Variants in MYO18A observed in about 807,000 individuals in gnomAD.
MYO18A encodes the protein myosin XVIIIA.
Under a neutral mutation model 235.8 loss-of-function variants are expected in MYO18A, and 78 were observed. The ratio of observed to expected loss-of-function variants is 0.33; its 90% confidence interval spans 0.28 to 0.40. The LOEUF (loss-of-function observed/expected upper bound fraction) is 0.40, where lower values mean the gene tolerates loss of function less well. Ranked by LOEUF, MYO18A falls within the 10% of genes least tolerant of loss-of-function variation. The pLI is 1.00. For synonymous variants in MYO18A, 977 were observed against 1,077.8 expected (o/e 0.91, Z 1.83); for missense variants, 2,215 against 2,699.3 (o/e 0.82, Z 3.98).
Position 29,158,664 on chromosome 17 carries a change from C to A in MYO18A, c.999+7278G>T, listed in dbSNP as rs1259409551. 6.6e-6 allele frequency among the ~76,000 whole-genome samples: 1 copy of A among 152,194 alleles called. No individual in the cohort carries two copies. Among genetic ancestry groups the A allele is most frequent in the Non-Finnish European group, 1.5e-5 (1 of 68,020 alleles). ...CAGCTGGGTCACCAGTCCCCACCGT[C>A]CCCCCAAGACTGCAGTGAGTAGAAT... On this transcript the variant is annotated intron_variant, in intron 2 of 41. Coordinates refer to ENST00000527372, the MANE Select transcript of MYO18A (RefSeq NM_078471.4). The surrounding 1 kb of genome is among the most constrained non-coding windows in gnomAD (Gnocchi z 4.3).
rs1232102609 is a variant in MYO18A, at chr17:29,128,523, C to T, written c.1000-6270G>A. On this transcript the variant is annotated intron_variant, in intron 2 of 41. Coordinates refer to ENST00000527372, the MANE Select transcript of MYO18A (RefSeq NM_078471.4). ...TGAGGACTCCTAGATGGGCCACTGC[C>T]TTCCTTTGAGCTGCCCTCTAGCTAC... 5.5e-6 allele frequency: 7 copies of T among 1,271,210 alleles called. No homozygotes were observed. In the South Asian group the frequency reaches 6.4e-5, roughly 12 times the overall value. 78.7% of individuals were successfully genotyped at this position (1,271,210 alleles called of 1,614,324 possible).
intron 11 of MYO18A, among the ~76,000 whole-genome samples, chr17:29,116,113 A>G (rs2067052963): frequency 6.6e-6 from 1 of 152,200 alleles, no homozygotes; most frequent in African/African-American, 2.4e-5. Context: ...CCCTTTTCAG[A>G]TGGCTCAGCT....
In MYO18A at chr17:29,074,338, C is replaced by T. The variant is rs936080626; in HGVS notation, c.*432G>A. 3.4e-4 allele frequency: 271 copies of T among 791,316 alleles called. 2 individuals carry two copies. The highest frequency in any genetic ancestry group is 5.2e-5 in the Non-Finnish European group (26 of 501,110). The allele number at this position is 791,316 out of a possible 1,614,324, so 49.0% of individuals were successfully genotyped here. ...CACCAAGAAGAGAGAGCCCCCACCC[C>T]ACACGAGAGGGAAGGCACTGCTTCT... On this transcript the variant is annotated 3_prime_UTR_variant, in exon 42 of 42. Transcript: ENST00000527372. The surrounding 1 kb of genome is among the most constrained non-coding windows in gnomAD (Gnocchi z 4.4).
rs1314777091 is a variant in MYO18A at position 29,106,040 on chromosome 17, T to C, written c.3441+1040A>G. 6.6e-6 allele frequency among the ~76,000 whole-genome samples: 1 copy of C among 151,922 alleles called. No homozygotes were observed. The highest frequency in any genetic ancestry group is 1.5e-5 in the Non-Finnish European group (1 of 67,968). On this transcript the variant is annotated intron_variant, in intron 20 of 41. Transcript: ENST00000527372. The surrounding 1 kb of genome is among the most constrained non-coding windows in gnomAD (Gnocchi z 4.6). The stretch of plus-strand genomic sequence containing the variant: ...CAATTCACAGAGAAATGGAGTGTGA[T>C]CCAGAAAGAGAGGTTCTGATGGAGC...
At position 29,106,710 on chromosome 17, in the gene MYO18A, C is replaced by T. The variant is rs1223780479; in HGVS notation, c.3441+370G>A. ...CCACCTTCCTTCTAGGAGGAATGTT[C>T]GCCCAGCCCTGGACAGCTTCCTGCT... On this transcript the variant is annotated intron_variant, in intron 20 of 41. Transcript: ENST00000527372. The surrounding 1 kb of genome is among the most constrained non-coding windows in gnomAD (Gnocchi z 4.6). Among the ~76,000 whole-genome samples, 4 of 152,202 alleles carry T rather than the reference C, an allele frequency of 2.6e-5. No individual in the cohort carries two copies. Among genetic ancestry groups the T allele is most frequent in the East Asian group, 1.9e-4 (1 of 5,196 alleles).
intron 2 of MYO18A, among the ~76,000 whole-genome samples, chr17:29,157,184 A>G (rs978910436): frequency 6.6e-6 from 1 of 152,128 alleles, no homozygotes; most frequent in African/African-American, 2.4e-5. Flanking sequence ...AATGCTGCCA[A>G]TGTAGGTGCC....
In MYO18A at chr17:29,099,842, G is replaced by A; in HGVS notation, c.3508-80C>T. On this transcript the variant is annotated intron_variant, in intron 21 of 41. Coordinates refer to ENST00000527372, the MANE Select transcript of MYO18A (RefSeq NM_078471.4). ...AAGGCAGAGAAGGTGAGGAACTGGA[G>A]AAACAAGCAGGCCAGGGAGTACAGC... is the stretch of plus-strand genomic sequence containing the variant. The A allele has an allele frequency of 1.9e-6, 3 of 1,549,546 alleles. No homozygotes were observed. The African/African-American group carries it at 4.1e-5, about 21-fold the overall frequency.
At chr17:29,080,464 C>T in intron 41 of MYO18A, 1 of 986,148 alleles carries the variant, frequency 1.0e-6, no homozygotes, top group Non-Finnish European at 1.2e-6. Context: ...CTCTAGGCAG[C>T]TCCGGCCCAG....
chr17:29,098,369 C>T lies in MYO18A; in HGVS notation c.3857G>A (p.Arg1286Gln), dbSNP rs377581068. The change falls in exon 24 of 42, where the codon CGG becomes CAG. Residue 1286 changes from arginine to glutamine, a missense_variant. Transcript: ENST00000527372. ...GGAGTCACTCACCCGGCTCTCCAGC[C>T]GGTCACTGTTGAGCCGCAGCTCGTT... ...ERNELRLNSD[R>Q]LESRISELTS... 1.1e-5 allele frequency: 17 copies of T among 1,613,740 alleles called. No individual in the cohort carries two copies. Among genetic ancestry groups the T allele is most frequent in the African/African-American group, 8.0e-5 (6 of 74,940 alleles).
chr17:29,116,813 C>G (rs890650308), intron 10 of MYO18A, among the ~76,000 whole-genome samples: 1 of 147,126 alleles, frequency 6.8e-6, no homozygotes. Flanking sequence ...TGCTGACACC[C>G]GGAGCTTTCC....
At chr17:29,128,926 G>T in intron 2 of MYO18A, 1 of 773,354 alleles carries the variant, frequency 1.3e-6, no homozygotes, top group Non-Finnish European at 1.9e-6. Context: ...TGAGCCCACT[G>T]CCTCGCAGCC....
intron 1 of MYO18A, among the ~76,000 whole-genome samples, chr17:29,178,161 C>T (rs1486469386): frequency 1.3e-5 from 2 of 152,126 alleles, no homozygotes; most frequent in Admixed American, 1.3e-4. Context: ...TGGCTGGCTA[C>T]CCAGACAGCC....
chr17:29,155,604 A>C (rs1800321161), intron 2 of MYO18A: 4 of 152,340 alleles, frequency 2.6e-5, no homozygotes, highest in Admixed American at 1.3e-4. Flanking sequence ...CAGGCCCCGA[A>C]GGTGTTGCGG....
chr17:29,162,023 A>C (rs1598392777), intron 2 of MYO18A, among the ~76,000 whole-genome samples: 1 of 150,912 alleles, frequency 6.6e-6, no homozygotes, highest in Admixed American at 6.6e-5. Flanking sequence ...CGGTCACATG[A>C]CCCCTCCTCT....
intron 2 of MYO18A, among the ~76,000 whole-genome samples, chr17:29,141,425 C>G (rs1252876089): frequency 8.0e-6 from 1 of 125,046 alleles, no homozygotes; most frequent in Non-Finnish European, 1.7e-5. Flanking sequence ...TTGCCTCCCT[C>G]TTCCTCTTTA....
chr17:29,118,263 CT>C lies in MYO18A; in HGVS notation c.1894-75del, dbSNP rs1211935309. ...ATGAGGCTGGGCCCTCAGGGCAAGG[CT>C]TGGGTAGAGCCAGCAGCTGGAGCTG... is the stretch of plus-strand genomic sequence containing the variant. On this transcript the variant is annotated intron_variant, in intron 9 of 41. Coordinates refer to ENST00000527372, the MANE Select transcript of MYO18A (RefSeq NM_078471.4). The surrounding 1 kb of genome is among the most constrained non-coding windows in gnomAD (Gnocchi z 4.2). The C allele has an allele frequency of 3.2e-6, 5 of 1,557,740 alleles. No homozygotes were observed. Among genetic ancestry groups the C allele is most frequent in the Non-Finnish European group, 4.4e-6 (5 of 1,147,090 alleles).
chr17:29,155,291 G>A (rs1360102169), intron 2 of MYO18A: 1 of 152,412 alleles, frequency 6.6e-6, no homozygotes, highest in Non-Finnish European at 1.5e-5. Context: ...AGGCTCTGGG[G>A]ACATCCACAT....
chr17:29,142,761 A>C (rs2067768456), intron 2 of MYO18A, among the ~76,000 whole-genome samples: 1 of 152,254 alleles, frequency 6.6e-6, no homozygotes, highest in Non-Finnish European at 1.5e-5. Flanking sequence ...TGGCTCTTGC[A>C]TGAAGTAAAC....
intron 2 of MYO18A, among the ~76,000 whole-genome samples, chr17:29,142,168 G>A (rs190354466): frequency 5.5e-4 from 84 of 152,260 alleles, no homozygotes; most frequent in African/African-American, 1.8e-3. Flanking sequence ...TCCTGACCTC[G>A]TGATCCGCCC....
Sources: allele counts gnomAD v4.1 joint callset (sites outside exome capture counted in the v4.1 genomes callset), GRCh38; gene constraint gnomAD v4.1.1; non-coding constraint Gnocchi (gnomAD v3.1); transcripts MANE v1.5; gene names NCBI Gene and HGNC (gene_info 2026-07-23, HGNC 2026-07-21).